The following ANO1 variants were observed in gnomAD, a reference collection of about 807,000 sequenced individuals.
ANO1 encodes the protein anoctamin-1.
In ANO1, 59 loss-of-function variants were observed where a neutral mutation model predicts 124.0. The observed-to-expected ratio is 0.48, with a 90% confidence interval of 0.39 to 0.59. The LOEUF is 0.59. Ranked by LOEUF, ANO1 falls within the 20% of genes least tolerant of loss-of-function variation. The pLI is 0.00. For synonymous variants in ANO1, 529 were observed against 532.0 expected, an observed-to-expected ratio of 0.99 and a Z score of 0.08; for missense variants, 1,059 against 1,328.0, an observed-to-expected ratio of 0.80 and a Z score of 3.15.
At chr11:70,057,784 C>G (rs1857475518) in intron 1 of ANO1, among the ~76,000 whole-genome samples, 1 of 152,144 alleles carries the variant, frequency 6.6e-6, no homozygotes, top group African/African-American at 2.4e-5. Context: ...TGTGGTTCGT[C>G]AGTTGCTTCA....
At chr11:70,130,394 G>A (rs1389152968) in intron 10 of ANO1, among the ~76,000 whole-genome samples, 2 of 152,166 alleles carry the variant, frequency 1.3e-5, no homozygotes, top group African/African-American at 4.8e-5. Flanking sequence ...AGCAGTAGAT[G>A]AGAGCCGGCA....
chr11:70,142,050 C>T (rs2047174837), intron 11 of ANO1, among the ~76,000 whole-genome samples: 1 of 152,216 alleles, frequency 6.6e-6, no homozygotes, highest in Admixed American at 6.5e-5. Flanking sequence ...GAGACTTCAG[C>T]TTGCTGCTGT....
intron 20 of ANO1, among the ~76,000 whole-genome samples, chr11:70,166,535 A>G (rs904625413): frequency 3.9e-5 from 6 of 152,066 alleles, no homozygotes; most frequent in Admixed American, 6.6e-5. Flanking sequence ...TCGGAAATCC[A>G]TGTCCCATTC....
chr11:70,125,899 C>T (rs1050560716), intron 9 of ANO1, among the ~76,000 whole-genome samples, 162 bp from the exon 10 acceptor site: 1 of 151,720 alleles, frequency 6.6e-6, no homozygotes, highest in Non-Finnish European at 1.5e-5. Flanking sequence ...CAGAGAGCAC[C>T]CCCAACCTGA....
chr11:70,112,482 G>T (rs949093048), intron 7 of ANO1, among the ~76,000 whole-genome samples: 2 of 151,814 alleles, frequency 1.3e-5, no homozygotes, highest in Non-Finnish European at 2.9e-5. Context: ...TCAGCCCCTT[G>T]TCTCACTGAG....
chr11:70,025,556 G>A (rs1393792016), intron 1 of ANO1, among the ~76,000 whole-genome samples: 3 of 151,500 alleles, frequency 2.0e-5, no homozygotes, highest in African/African-American at 7.3e-5. Context: ...TGATGGTGAT[G>A]ACAATGATGA....
chr11:70,156,102 G>A (rs537616811), intron 15 of ANO1, 114 bp downstream of exon 15: 63 of 1,087,256 alleles, frequency 5.8e-5, no homozygotes, highest in African/African-American at 6.7e-5. Flanking sequence ...ATTCACATCC[G>A]TGTTTCTCTG....
rs1330453840 is a variant in ANO1, at chr11:70,032,475, A to T, written c.59-46067A>T. Among the ~76,000 whole-genome samples, 6 of 149,540 alleles carry T rather than the reference A, an allele frequency of 4.0e-5. No individual in the cohort carries two copies. The East Asian group carries it at 1.2e-3, about 30-fold the overall frequency. On this transcript the variant is annotated intron_variant, in intron 1 of 27. Coordinates refer to the ANO1 transcript ENST00000531349. ...TCTGGAGAGGACTCCCTGGGTGGGG[A>T]GAGGAGATTAGTGGGAAGGGAGCAA...
chr11:70,101,897 A>G (rs1199252921), intron 2 of ANO1, among the ~76,000 whole-genome samples: 2 of 152,158 alleles, frequency 1.3e-5, no homozygotes, highest in Non-Finnish European at 2.9e-5. Context: ...CAAGCCCCGG[A>G]GGACCAAGGC....
At chr11:70,073,108 A>T (rs4411303) in intron 1 of ANO1, among the ~76,000 whole-genome samples, 60,184 of 151,998 alleles carry the variant, frequency 0.4, 12,941 homozygotes, top group East Asian at 0.67. Flanking sequence ...GGCAATCTGG[A>T]ACTTTTACTC....
upstream of ANO1, among the ~76,000 whole-genome samples, chr11:69,985,534 C>T (rs923587844): frequency 6.6e-6 from 1 of 152,146 alleles, no homozygotes; most frequent in African/African-American, 2.4e-5. Flanking sequence ...GGGCCACTCA[C>T]GGAACCGCCC....
chr11:69,987,320 C>A (rs1246891743), intron 1 of ANO1, among the ~76,000 whole-genome samples: 1 of 152,164 alleles, frequency 6.6e-6, no homozygotes, highest in Non-Finnish European at 1.5e-5. Context: ...AAACACAGCC[C>A]CAGCTCACTG....
At chr11:70,105,273 G>A (rs563825690) in intron 4 of ANO1, among the ~76,000 whole-genome samples, 30 of 152,272 alleles carry the variant, frequency 2.0e-4, no homozygotes, top group African/African-American at 4.6e-4. Flanking sequence ...AGGAAGCCTC[G>A]GGCCATCCCT....
chr11:69,975,627 G>A, the ANO1 span, among the ~76,000 whole-genome samples: 1 of 152,196 alleles, frequency 6.6e-6, no homozygotes. Context: ...TAGGAAATGT[G>A]CAAACCATCC....
chr11:70,110,287 A>C (rs891810331), intron 6 of ANO1, among the ~76,000 whole-genome samples: 2 of 149,386 alleles, frequency 1.3e-5, no homozygotes, highest in Non-Finnish European at 3.0e-5. Flanking sequence ...CCTGGGTTTA[A>C]GCAATTCTCC....
chr11:69,995,405 G>A (rs72933851), intron 1 of ANO1, among the ~76,000 whole-genome samples: 5,137 of 152,046 alleles, frequency 0.034, 126 homozygotes, highest in Non-Finnish European at 0.049. Flanking sequence ...CCACTGGCAC[G>A]TTTTTATCTA....
the ANO1 span, among the ~76,000 whole-genome samples, chr11:69,974,799 C>G: frequency 6.6e-6 from 1 of 151,728 alleles, no homozygotes; most frequent in East Asian, 1.9e-4. Context: ...CAGGAGAGCT[C>G]TGCTCTCTGT....
At position 70,189,287 on chromosome 11, in the gene ANO1, C is replaced by T. The variant is rs900175877; in HGVS notation, c.*1283C>T. 6.6e-6 allele frequency: 1 copy of T among 152,622 alleles called. No homozygotes were observed. Among genetic ancestry groups the T allele is most frequent in the African/African-American group, 2.4e-5 (1 of 41,454 alleles). The allele number at this position is 152,622 out of a possible 1,614,324, so 9.5% of individuals were successfully genotyped here. A position where few individuals can be genotyped will look rare whatever the true frequency, so the allele number is the denominator to read the frequency against. Reference sequence around the variant, plus strand: ...TGTTACATTCCCTTTAATCTGCCAACTGTGGTCAAAGTTCATAGGTGTCGT... The same window carrying T: ...TGTTACATTCCCTTTAATCTGCCAATTGTGGTCAAAGTTCATAGGTGTCGT... On this transcript the variant is annotated 3_prime_UTR_variant, in exon 26 of 26. Coordinates refer to ENST00000355303, the MANE Select transcript of ANO1 (RefSeq NM_018043.7).
At chr11:70,147,531 G>A (rs2047431154) in intron 11 of ANO1, among the ~76,000 whole-genome samples, 1 of 152,214 alleles carries the variant, frequency 6.6e-6, no homozygotes, top group Admixed American at 6.5e-5. Context: ...TCCCTCACCT[G>A]CTCAGCTCTG....
Sources: allele counts gnomAD v4.1 joint callset (sites outside exome capture counted in the v4.1 genomes callset), GRCh38; gene constraint gnomAD v4.1.1; transcripts MANE v1.5; gene names NCBI Gene and HGNC (gene_info 2026-07-23, HGNC 2026-07-21).